The following ZMAT4 variants were observed in gnomAD, a reference collection of about 807,000 sequenced individuals.
ZMAT4 encodes zinc finger matrin-type 4.
Under a neutral mutation model 28.7 loss-of-function variants are expected in ZMAT4, and 17 were observed. That is an observed-to-expected ratio of 0.59 (90% CI 0.41 to 0.89). The LOEUF is 0.89. Ranked by LOEUF, ZMAT4 falls within the 40% of genes least tolerant of loss-of-function variation. The pLI, the probability that ZMAT4 is intolerant of heterozygous loss-of-function variation, is 0.00. For synonymous variants in ZMAT4, 117 were observed against 109.2 expected (o/e 1.07, Z -0.44); for missense variants, 240 against 283.8 (o/e 0.85, Z 1.11).
chr8:40,760,722 C>CTCTCTT (rs1433371446), intron 3 of ZMAT4, among the ~76,000 whole-genome samples: 2 of 151,396 alleles, frequency 1.3e-5, no homozygotes, highest in Admixed American at 1.3e-4. Flanking sequence ...CTCTCTCTCT[C>CTCTCTT]TCTCTCTCTC....
At chr8:40,713,569 C>A (rs1185775995) in intron 3 of ZMAT4, among the ~76,000 whole-genome samples, 2 of 151,984 alleles carry the variant, frequency 1.3e-5, no homozygotes, top group Non-Finnish European at 2.9e-5. Context: ...AGTTAACACC[C>A]CACCAGTTAA....
At chr8:40,535,641 C>G (rs1357125418) in intron 6 of ZMAT4, among the ~76,000 whole-genome samples, 1 of 147,900 alleles carries the variant, frequency 6.8e-6, no homozygotes, top group Non-Finnish European at 1.5e-5. Flanking sequence ...TGCACTCCAG[C>G]CTGGCGACTG....
At chr8:40,737,395 G>A (rs1811815086) in intron 3 of ZMAT4, among the ~76,000 whole-genome samples, 1 of 152,100 alleles carries the variant, frequency 6.6e-6, no homozygotes, top group African/African-American at 2.4e-5. Flanking sequence ...TTTGAAAGAA[G>A]AGCAATGGAA....
intron 3 of ZMAT4, among the ~76,000 whole-genome samples, chr8:40,735,516 T>G (rs527464767): frequency 6.6e-6 from 1 of 152,170 alleles, no homozygotes; most frequent in Admixed American, 6.5e-5. Flanking sequence ...CAGATTTTTT[T>G]AAAAGCATTA....
chr8:40,636,471 T>G (rs139654831), intron 5 of ZMAT4, among the ~76,000 whole-genome samples: 2 of 152,078 alleles, frequency 1.3e-5, no homozygotes, highest in Non-Finnish European at 2.9e-5. Flanking sequence ...TACAGTGGAG[T>G]TTTTTTGGTG....
chr8:40,548,158 G>GTT, intron 6 of ZMAT4, among the ~76,000 whole-genome samples: 1 of 152,224 alleles, frequency 6.6e-6, no homozygotes, highest in Non-Finnish European at 1.5e-5. Context: ...AAACATTTAG[G>GTT]TGTAGGAAGG....
At chr8:40,723,015 C>T (rs1010611723) in intron 3 of ZMAT4, among the ~76,000 whole-genome samples, 1 of 152,150 alleles carries the variant, frequency 6.6e-6, no homozygotes, top group Non-Finnish European at 1.5e-5. Context: ...ACTGGAATTG[C>T]ATCTTCACTT....
intron 5 of ZMAT4, among the ~76,000 whole-genome samples, chr8:40,611,345 A>C (rs2018149): frequency 0.77 from 116,726 of 151,886 alleles, 45,037 homozygotes; most frequent in East Asian, 0.97. Context: ...TATATCTGAT[A>C]TCAGAAACTC....
chr8:40,865,507 C>A (rs139415948), intron 1 of ZMAT4, among the ~76,000 whole-genome samples: 1 of 152,154 alleles, frequency 6.6e-6, no homozygotes. Context: ...TGAGCCCAGG[C>A]CTCTCTGCTC....
intron 6 of ZMAT4, among the ~76,000 whole-genome samples, chr8:40,564,826 TG>T (rs1277183214): frequency 6.6e-6 from 1 of 152,176 alleles, no homozygotes; most frequent in Non-Finnish European, 1.5e-5. Flanking sequence ...GCATCCATTG[TG>T]GGCACAGGAT....
At position 40,781,777 on chromosome 8, in the gene ZMAT4, A is replaced by G. The variant is rs1400379510; in HGVS notation, c.103-14047T>C. On this transcript the variant is annotated intron_variant, in intron 2 of 6. Coordinates refer to ENST00000297737, the MANE Select transcript of ZMAT4 (RefSeq NM_024645.3). ...ACTCCGTCTCAAAAAAAAAAAAAAA[A>G]AAAAAAAAAAAAAAGAAAAGAATCC... 3.4e-3 allele frequency among the ~76,000 whole-genome samples: 505 copies of G among 148,640 alleles called. 17 individuals are homozygous for G. The highest frequency in any genetic ancestry group is 0.012 in the African/African-American group (487 of 40,862).
At chr8:40,855,750 A>G (rs1469366449) in intron 1 of ZMAT4, among the ~76,000 whole-genome samples, 1 of 150,942 alleles carries the variant, frequency 6.6e-6, no homozygotes, top group Non-Finnish European at 1.5e-5. Context: ...ATCATGGCTC[A>G]CTGCAGCCTC....
intron 3 of ZMAT4, among the ~76,000 whole-genome samples, chr8:40,764,840 AT>A (rs1813082831): frequency 6.6e-6 from 1 of 152,034 alleles, no homozygotes; most frequent in African/African-American, 2.4e-5. Context: ...TATTATTATT[AT>A]TATTTTTAGA....
At chr8:40,534,826 C>T (rs1462707632) in intron 6 of ZMAT4, among the ~76,000 whole-genome samples, 1 of 151,770 alleles carries the variant, frequency 6.6e-6, no homozygotes, top group Non-Finnish European at 1.5e-5. Context: ...GGGATTACAG[C>T]CACGTGCTAC....
At chr8:40,667,501 G>C (rs1033643193) in intron 5 of ZMAT4, among the ~76,000 whole-genome samples, 13 of 152,134 alleles carry the variant, frequency 8.5e-5, no homozygotes, top group African/African-American at 2.9e-4. Flanking sequence ...ATGAGCGCAA[G>C]TATTGTGAGG....
At chr8:40,572,559 C>T (rs1804131824) in intron 6 of ZMAT4, among the ~76,000 whole-genome samples, 1 of 152,044 alleles carries the variant, frequency 6.6e-6, no homozygotes, top group Non-Finnish European at 1.5e-5. Flanking sequence ...TCCCTAAGCT[C>T]AAATTTAAGT....
At chr8:40,625,523 A>C (rs551004797) in intron 5 of ZMAT4, among the ~76,000 whole-genome samples, 8 of 152,146 alleles carry the variant, frequency 5.3e-5, no homozygotes, top group Non-Finnish European at 1.0e-4. Context: ...TTGGGAGCAG[A>C]GAATACTGGG....
intron 1 of ZMAT4, among the ~76,000 whole-genome samples, chr8:40,880,634 C>A (rs1212698023): frequency 6.6e-6 from 1 of 152,078 alleles, no homozygotes; most frequent in Non-Finnish European, 1.5e-5. Flanking sequence ...CCATGTTGTC[C>A]TCATTCTGAG....
chr8:40,646,468 A>T (rs1345295492), intron 5 of ZMAT4, among the ~76,000 whole-genome samples: 1 of 152,020 alleles, frequency 6.6e-6, no homozygotes, highest in Non-Finnish European at 1.5e-5. Flanking sequence ...TCTTTATGTG[A>T]TAGTTGTCAA....
Sources: allele counts gnomAD v4.1 joint callset (sites outside exome capture counted in the v4.1 genomes callset), GRCh38; gene constraint gnomAD v4.1.1; transcripts MANE v1.5; gene names NCBI Gene and HGNC (gene_info 2026-07-23, HGNC 2026-07-21).